Variants in DMBX1 observed in about 807,000 individuals in gnomAD.
The protein encoded by DMBX1 is diencephalon/mesencephalon homeobox 1.
DMBX1 carries 7 observed loss-of-function variants against 30.4 expected under a neutral mutation model. That is an observed-to-expected ratio of 0.23 (90% CI 0.13 to 0.43). DMBX1 has a LOEUF of 0.43. Among genes scored for constraint, DMBX1 ranks in the 20% least tolerant of loss-of-function variants. The pLI, the probability that DMBX1 is intolerant of heterozygous loss-of-function variation, is 1.00. For missense variants in DMBX1, 460 were observed against 508.5 expected (o/e 0.90, Z 0.92); for synonymous variants, 222 against 214.2 (o/e 1.04, Z -0.32).
Position 46,491,702 on chromosome 1 carries a change from T to C in DMBX1, c.-13+919T>C, listed in dbSNP as rs1322586540. On this transcript the variant is annotated intron_variant, in intron 2 of 5. Transcript: ENST00000360032. This position sits in a 1 kb window ranked among gnomAD's most constrained non-coding sequence, Gnocchi z 5.5. ...TCTGTCCAACCCCTTTCTAGAAAGT[T>C]CTATGGTCTGTTAGTTTTAGGTGGG... Among the ~76,000 whole-genome samples the C allele has an allele frequency of 6.6e-6, 1 of 152,146 alleles. No homozygotes were observed. The highest frequency in any genetic ancestry group is 1.9e-4 in the East Asian group (1 of 5,184).
chr1:46,499,703 G>A (rs1344724107), intron 2 of DMBX1, among the ~76,000 whole-genome samples: 1 of 152,170 alleles, frequency 6.6e-6, no homozygotes, highest in Non-Finnish European at 1.5e-5. Flanking sequence ...GCTAGACCCT[G>A]TGATCTGGGC....
At chr1:46,511,368 C>T (rs2148491557) in intron 5 of DMBX1, 85 bp downstream of exon 5, 1 of 1,342,638 alleles carries the variant, frequency 7.4e-7, no homozygotes, top group Admixed American at 2.8e-5. Context: ...AATCAACTGC[C>T]CCTCAGGGGC....
intron 3 of DMBX1, among the ~76,000 whole-genome samples, chr1:46,509,449 G>A (rs1301504773): frequency 6.6e-6 from 1 of 152,182 alleles, no homozygotes; most frequent in African/African-American, 2.4e-5. Context: ...TGCAGAGGCT[G>A]AGATGACTCA....
At chr1:46,492,600 G>T (rs1402131649) in intron 2 of DMBX1, among the ~76,000 whole-genome samples, 2 of 152,116 alleles carry the variant, frequency 1.3e-5, no homozygotes, top group African/African-American at 4.8e-5. Context: ...ACCCAGAGGC[G>T]CAGTCCCCTA....
rs562870265 is a variant in DMBX1, at chr1:46,491,958, T to G, written c.-13+1175T>G. On this transcript the variant is annotated intron_variant, in intron 2 of 5. Coordinates refer to ENST00000360032, the MANE Select transcript of DMBX1 (RefSeq NM_172225.2). The surrounding 1 kb of genome is among the most constrained non-coding windows in gnomAD (Gnocchi z 5.5). ...GGATAATTGGCTCAAATCTCTCTCC[T>G]GTATGGCTGGGGTAGACACACTTTT... Among the ~76,000 whole-genome samples, 3 of 152,340 alleles carry G rather than the reference T, an allele frequency of 2.0e-5. No individual in the cohort carries two copies. Among genetic ancestry groups the G allele is most frequent in the African/African-American group, 7.2e-5 (3 of 41,584 alleles).
At chr1:46,492,839 C>T (rs12073541) in intron 2 of DMBX1, among the ~76,000 whole-genome samples, 1 of 152,142 alleles carries the variant, frequency 6.6e-6, no homozygotes, top group Admixed American at 6.5e-5. Context: ...TCCATACTCA[C>T]AGGTTAAACT....
At chr1:46,507,337 C>T (rs991542003) in intron 3 of DMBX1, among the ~76,000 whole-genome samples, 173 bp downstream of exon 3, 1 of 152,220 alleles carries the variant, frequency 6.6e-6, no homozygotes, top group Admixed American at 6.5e-5. Context: ...GCATGTATAT[C>T]CAGAGTGCCT....
Position 46,506,714 on chromosome 1 carries a change from G to A in DMBX1, c.-12-285G>A, listed in dbSNP as rs541728758. 7.9e-5 allele frequency among the ~76,000 whole-genome samples: 12 copies of A among 152,324 alleles called. No homozygotes were observed. In the South Asian group the frequency reaches 2.5e-3, roughly 32 times the overall value. Reference sequence around the variant, plus strand: ...GTTAAAGCCACAAAGCTCCTGAGTGGTGGACTTGAGGTTTCAGCCTGCCCT... The same window carrying A: ...GTTAAAGCCACAAAGCTCCTGAGTGATGGACTTGAGGTTTCAGCCTGCCCT... On this transcript the variant is annotated intron_variant, in intron 2 of 5. Coordinates refer to ENST00000360032, the MANE Select transcript of DMBX1 (RefSeq NM_172225.2).
chr1:46,500,988 A>G (rs1420631514), intron 2 of DMBX1, among the ~76,000 whole-genome samples: 1 of 152,136 alleles, frequency 6.6e-6, no homozygotes, highest in Non-Finnish European at 1.5e-5. Context: ...AAGACGATGT[A>G]CTCTCTAAAG....
Position 46,515,872 on chromosome 1 carries a change from T to C in DMBX1, c.*3378T>C, listed in dbSNP as rs1183556288. Among the ~76,000 whole-genome samples, 4 of 152,162 alleles carry C rather than the reference T, an allele frequency of 2.6e-5. No homozygotes were observed. Among genetic ancestry groups the C allele is most frequent in the Admixed American group, 2.6e-4 (4 of 15,278 alleles). On this transcript the variant is annotated 3_prime_UTR_variant, in exon 6 of 6. Transcript: ENST00000360032. Reference sequence around the variant, plus strand: ...CCTCTCCCTGCTGTCTGAGTCTCCATTTCTCTGTTTCCTCACTCCCTCAGA... The same window carrying C: ...CCTCTCCCTGCTGTCTGAGTCTCCACTTCTCTGTTTCCTCACTCCCTCAGA...
Position 46,510,668 on chromosome 1 carries a change from C to T in DMBX1, c.333+14C>T, listed in dbSNP as rs773239713. 1.9e-5 allele frequency: 31 copies of T among 1,610,882 alleles called. No individual in the cohort carries two copies. The highest frequency in any genetic ancestry group is 2.5e-5 in the Non-Finnish European group (30 of 1,178,510). Reference sequence around the variant, plus strand: ...GCCCGGGTGCAGGTAGGGCCCAACTCTCCTAACTAGGCCTTGCAGACAAAC... The same window carrying T: ...GCCCGGGTGCAGGTAGGGCCCAACTTTCCTAACTAGGCCTTGCAGACAAAC... On this transcript the variant is annotated intron_variant, in intron 4 of 5. Coordinates refer to ENST00000360032, the MANE Select transcript of DMBX1 (RefSeq NM_172225.2). The surrounding 1 kb of genome is among the most constrained non-coding windows in gnomAD (Gnocchi z 4.1).
rs1666473736 is a variant in DMBX1 at position 46,515,535 on chromosome 1, G to A, written c.*3041G>A. Among the ~76,000 whole-genome samples, 1 of 152,224 alleles carries A rather than the reference G, an allele frequency of 6.6e-6. No individual in the cohort carries two copies. The highest frequency in any genetic ancestry group is 1.5e-5 in the Non-Finnish European group (1 of 68,046). ...CAATTGACCCAAATCTGCCAGAGAAGGCAGGGAAGGTACATGTGGTCCCTG... is the reference window on the plus strand; with the variant it reads ...CAATTGACCCAAATCTGCCAGAGAAAGCAGGGAAGGTACATGTGGTCCCTG... On this transcript the variant is annotated 3_prime_UTR_variant, in exon 6 of 6. Transcript: ENST00000360032.
Position 46,513,680 on chromosome 1 carries a change from A to T in DMBX1, c.*1186A>T, listed in dbSNP as rs1333333942. 2 of 152,292 alleles carry T rather than the reference A, an allele frequency of 1.3e-5. No homozygotes were observed. Among genetic ancestry groups the T allele is most frequent in the Non-Finnish European group, 2.9e-5 (2 of 68,092 alleles). 9.4% of individuals were successfully genotyped at this position (152,292 alleles called of 1,614,324 possible). On this transcript the variant is annotated 3_prime_UTR_variant, in exon 6 of 6. Transcript: ENST00000360032. The stretch of plus-strand genomic sequence containing the variant: ...AGCAGGGCTGGTGCTCTTCTCCCAC[A>T]AGCTGAGCCTCCACGTTCAGCAGAT...
At chr1:46,490,142 C>A (rs1348995929) in intron 1 of DMBX1, among the ~76,000 whole-genome samples, 5 of 152,110 alleles carry the variant, frequency 3.3e-5, no homozygotes, top group African/African-American at 1.2e-4. Flanking sequence ...GGAAGAGATA[C>A]CCGGGGCTGA....
At chr1:46,499,433 C>T (rs1007598689) in intron 2 of DMBX1, among the ~76,000 whole-genome samples, 5 of 152,310 alleles carry the variant, frequency 3.3e-5, no homozygotes, top group African/African-American at 1.2e-4. Context: ...TCCTGTGCGA[C>T]TGGGGTTGGG....
chr1:46,498,398 T>C (rs1438570690), intron 2 of DMBX1, among the ~76,000 whole-genome samples: 1 of 152,254 alleles, frequency 6.6e-6, no homozygotes, highest in Non-Finnish European at 1.5e-5. Flanking sequence ...GGCTCTGTGC[T>C]AAATGTTGCA....
At chr1:46,504,893 AGCAG>A (rs1666202546) in intron 2 of DMBX1, among the ~76,000 whole-genome samples, 1 of 151,870 alleles carries the variant, frequency 6.6e-6, no homozygotes, top group Non-Finnish European at 1.5e-5. Flanking sequence ...TATTTCCTTG[AGCAG>A]TGGTTTGTAG....
chr1:46,499,858 T>C (rs1003706813), intron 2 of DMBX1, among the ~76,000 whole-genome samples: 5 of 152,104 alleles, frequency 3.3e-5, no homozygotes, highest in African/African-American at 4.8e-5. Flanking sequence ...AGGTGCTGAG[T>C]GTGGTATCTG....
In DMBX1 at chr1:46,515,707, C is replaced by T. The variant is rs921801636; in HGVS notation, c.*3213C>T. On this transcript the variant is annotated 3_prime_UTR_variant, in exon 6 of 6. Coordinates refer to ENST00000360032, the MANE Select transcript of DMBX1 (RefSeq NM_172225.2). ...CTGAGCACGCTTGTAAGCAGCACCGCGCTTCCCTTCTTGTGGGCAGAGGGT... is the reference window on the plus strand; with the variant it reads ...CTGAGCACGCTTGTAAGCAGCACCGTGCTTCCCTTCTTGTGGGCAGAGGGT... Among the ~76,000 whole-genome samples the T allele has an allele frequency of 3.9e-5, 6 of 152,224 alleles. No homozygotes were observed. The highest frequency in any genetic ancestry group is 2.1e-4 in the South Asian group (1 of 4,836).
Sources: gnomAD v4.1 joint callset for allele counts (sites outside exome capture counted in the v4.1 genomes callset) on GRCh38, gnomAD v4.1.1 for gene constraint, Gnocchi (gnomAD v3.1) non-coding constraint, MANE v1.5 for transcripts, NCBI Gene and HGNC (gene_info 2026-07-23, HGNC 2026-07-21) for gene names.